PRSS33: variants seen among roughly 807,000 people sequenced by gnomAD.
The protein encoded by PRSS33 is serine protease 33, also known as protease, serine 33.
In PRSS33, 32 loss-of-function variants were observed where a neutral mutation model predicts 26.7. The observed-to-expected ratio is 1.20, with a 90% CI of 0.90 to 1.61. The LOEUF is 1.61. Among genes scored for constraint, PRSS33 ranks in the 40% most tolerant of loss-of-function variants. The probability of loss-of-function intolerance (pLI) is 0.00; values close to 1 mark genes in which losing one functional copy is unlikely to be tolerated. For missense variants in PRSS33, 450 were observed against 396.3 expected, an observed-to-expected ratio of 1.14 and a Z score of -1.15; for synonymous variants, 192 against 177.6, an observed-to-expected ratio of 1.08 and a Z score of -0.64.
At position 2,784,801 on chromosome 16, in the gene PRSS33, C is replaced by T; in HGVS notation, c.686G>A (p.Gly229Asp). 1 of 1,605,078 alleles carries T rather than the reference C, an allele frequency of 6.2e-7. No homozygotes were observed. The highest frequency in any genetic ancestry group is 8.5e-7 in the Non-Finnish European group (1 of 1,175,816). ...YPQGHKDACQ[G>D]DSGGPLTCLQ... The stretch of plus-strand genomic sequence containing the variant: ...GCAGGTCAGAGGTCCCCCAGAATCA[C>T]CCTGCAGGAGAAAGAGGAGCCTAAG... The change falls in exon 7 of 7, where the codon GGT becomes GAT. Residue 229 changes from glycine (G) to aspartate (D), a missense_variant and splice_region_variant. Transcript: ENST00000682474.
rs967934985 is a variant in PRSS33 at position 2,786,133 on chromosome 16, A to G, written c.47-12T>C. ...AGTCCCAGCAGCTCCTGGAGGAGGA[A>G]GCAGGGAAGGGACCAGATTATAGAT... On this transcript the variant is annotated splice_polypyrimidine_tract_variant and intron_variant, in intron 2 of 6. Coordinates refer to ENST00000682474, the MANE Select transcript of PRSS33 (RefSeq NM_152891.3). The G allele has an allele frequency of 6.2e-7, 1 of 1,611,746 alleles. No homozygotes were observed. Among genetic ancestry groups the G allele is most frequent in the South Asian group, 1.1e-5 (1 of 91,058 alleles).
Position 2,784,523 on chromosome 16 carries a change from A to G in PRSS33, c.*121T>C, listed in dbSNP as rs1220738427. 2 of 942,584 alleles carry G rather than the reference A, an allele frequency of 2.1e-6. No homozygotes were observed. Among genetic ancestry groups the G allele is most frequent in the African/African-American group, 3.4e-5 (2 of 59,300 alleles). The allele number at this position is 942,584 out of a possible 1,614,324, so 58.4% of individuals were successfully genotyped here. A position where few individuals can be genotyped will look rare whatever the true frequency, so the allele number is the denominator to read the frequency against. ...GTGGGTGGGGGGTGGGGTGGCCTTT[A>G]GCTTTTTTAGGCATCTTGGCCTCGA... On this transcript the variant is annotated 3_prime_UTR_variant, in exon 7 of 7. Transcript: ENST00000682474.
At chr16:2,787,388 C>T (rs1448479416) in intron 1 of PRSS33, among the ~76,000 whole-genome samples, 145 bp downstream of exon 1, 1 of 39,768 alleles carries the variant, frequency 2.5e-5, no homozygotes, top group East Asian at 5.7e-4. Context: ...CTATCCTCAC[C>T]CCCTTCCTCC....
Position 2,784,556 on chromosome 16 carries a change from G to T in PRSS33, c.*88C>A. On this transcript the variant is annotated 3_prime_UTR_variant, in exon 7 of 7. Coordinates refer to ENST00000682474, the MANE Select transcript of PRSS33 (RefSeq NM_152891.3). ...TAGGCATCTTGGCCTCGAGGCAGAA[G>T]GGATGTGGGGTATAGGCAGGTGCCT... 2 of 1,335,116 alleles carry T rather than the reference G, an allele frequency of 1.5e-6. No homozygotes were observed. Among genetic ancestry groups the T allele is most frequent in the Non-Finnish European group, 1.0e-6 (1 of 991,582 alleles). 82.7% of individuals were successfully genotyped at this position (1,335,116 alleles called of 1,614,324 possible).
At position 2,786,618 on chromosome 16, in the gene PRSS33, G is replaced by T; in HGVS notation, c.-57-14C>A. On this transcript the variant is annotated splice_polypyrimidine_tract_variant and intron_variant, in intron 1 of 6. Coordinates refer to ENST00000682474, the MANE Select transcript of PRSS33 (RefSeq NM_152891.3). Reference sequence around the variant, plus strand: ...TTGGACTCTGGTCTGGAGCCAGCAGGGAGAAGAGAGGAGAGTCCTGGCCCA... The same window carrying T: ...TTGGACTCTGGTCTGGAGCCAGCAGTGAGAAGAGAGGAGAGTCCTGGCCCA... 1 of 1,556,594 alleles carries T rather than the reference G, an allele frequency of 6.4e-7. No individual in the cohort carries two copies.
At position 2,785,430 on chromosome 16, in the gene PRSS33, GC is replaced by G; in HGVS notation, c.458del (p.Arg153ProfsTer31). 1 of 1,465,752 alleles carries G rather than the reference GC, an allele frequency of 6.8e-7. No homozygotes were observed. Among genetic ancestry groups the G allele is most frequent in the Non-Finnish European group, 8.9e-7 (1 of 1,119,940 alleles). 90.8% of individuals were successfully genotyped at this position (1,465,752 alleles called of 1,614,324 possible). On this transcript the variant is annotated frameshift_variant, in exon 5 of 7. Coordinates refer to ENST00000682474, the MANE Select transcript of PRSS33 (RefSeq NM_152891.3). LOFTEE classifies it high-confidence loss of function. ...QPVCLPVPGARPPPGTPCRVT... is the reference protein window; with the variant it reads ...QPVCLPVPGAXPPPGTPCRVT... The stretch of plus-strand genomic sequence containing the variant: ...CCCGGCATGGTGTGCCGGGCGGCGG[GC>G]GGGCGCCGGGCACGGGCAGGCAGAC...
rs916213722 is a variant in PRSS33 at position 2,785,471 on chromosome 16, C to A, written c.418G>T (p.Ala140Ser). Residue 140 changes from alanine (A) to serine (S), a missense_variant, in exon 5 of 7, where the codon GCT (alanine) becomes TCT (serine). Transcript: ENST00000682474. ...LQLRRPVPLSARVQPVCLPVP... is the reference protein window; with the variant it reads ...LQLRRPVPLSSRVQPVCLPVP... The stretch of plus-strand genomic sequence containing the variant: ...GGCAGGCAGACGGGTTGGACGCGAG[C>A]GCTCAGGGGCACCGGGCGACGCAGC... 9 of 1,514,596 alleles carry A rather than the reference C, an allele frequency of 5.9e-6. No individual in the cohort carries two copies. In the African/African-American group the frequency reaches 1.1e-4, roughly 19 times the overall value. 93.8% of individuals were successfully genotyped at this position (1,514,596 alleles called of 1,614,324 possible).
chr16:2,785,330 C>A (rs753094874), intron 5 of PRSS33, 45 bp downstream of exon 5: 5 of 1,456,996 alleles, frequency 3.4e-6, no homozygotes, highest in East Asian at 4.9e-5. Flanking sequence ...TGGAGGAGGA[C>A]GTGGGGGCTC....
chr16:2,785,247 A>G lies in PRSS33; in HGVS notation c.515-76T>C. The G allele has an allele frequency of 8.3e-6, 12 of 1,453,712 alleles. No individual in the cohort carries two copies. In the South Asian group the frequency reaches 1.3e-4, roughly 16 times the overall value. The allele number at this position is 1,453,712 out of a possible 1,614,324, so 90.1% of individuals were successfully genotyped here. A position where few individuals can be genotyped will look rare whatever the true frequency, so the allele number is the denominator to read the frequency against. ...TGGGAGAAGCTGAGCTCTGAGTGAG[A>G]GGAGGTTTTGTTCCCTAGAAGCCGC... On this transcript the variant is annotated intron_variant, in intron 5 of 6. Coordinates refer to ENST00000682474, the MANE Select transcript of PRSS33 (RefSeq NM_152891.3).
chr16:2,787,706 G>T (rs932593516), upstream of PRSS33, among the ~76,000 whole-genome samples: 1 of 151,942 alleles, frequency 6.6e-6, no homozygotes, highest in African/African-American at 2.4e-5. Context: ...AGAGGTGGCA[G>T]GAAAGGGTCA....
intron 5 of PRSS33, 35 bp from the exon 6 acceptor site, chr16:2,785,206 G>A (rs1596305682): frequency 4.0e-6 from 6 of 1,511,248 alleles, no homozygotes; most frequent in Non-Finnish European, 4.4e-6. Flanking sequence ...AGAGGAAGGC[G>A]TGGAGCGGGG....
chr16:2,785,245 AGAG>A, intron 5 of PRSS33, 74 bp from the exon 6 acceptor site: 1 of 1,454,190 alleles, frequency 6.9e-7, no homozygotes, highest in Non-Finnish European at 9.2e-7. Context: ...GCTCTGAGTG[AGAG>A]GAGGTTTTGT....
chr16:2,785,156 C>T lies in PRSS33; in HGVS notation c.530G>A (p.Trp177Ter), dbSNP rs1023005268. 6 of 1,540,066 alleles carry T rather than the reference C, an allele frequency of 3.9e-6. No individual in the cohort carries two copies. In the Admixed American group the frequency reaches 5.9e-5, roughly 15 times the overall value. ...CACCCTTACTCCTTGTAGCGGTCGC[C>T]ACTCTGGGAGGGGCACTGGGGGAAG... ...SLRPGVPLPE[W>*]RPLQGVRVPL... Residue 177 changes from tryptophan (W) to a stop codon, truncating the protein, a stop_gained, in exon 6 of 7, where the codon TGG becomes TAG. Coordinates refer to ENST00000682474, the MANE Select transcript of PRSS33 (RefSeq NM_152891.3). LOFTEE classifies it high-confidence loss of function.
intron 2 of PRSS33, 125 bp from the exon 3 acceptor site, chr16:2,786,246 G>T: frequency 2.0e-6 from 2 of 982,176 alleles, no homozygotes; most frequent in Non-Finnish European, 3.2e-6. Flanking sequence ...CCAGGCTTTC[G>T]TGCCGTCTGT....
Position 2,785,460 on chromosome 16 carries a change from T to C in PRSS33, c.429A>G (p.Gln143=). ...CGCCGGGCACGGGCAGGCAGACGGG[T>C]TGGACGCGAGCGCTCAGGGGCACCG... ...RRPVPLSARV[Q]PVCLPVPGAR... The change falls in exon 5 of 7, where the codon CAA becomes CAG. Residue 143 remains glutamine, a synonymous_variant. Coordinates refer to ENST00000682474, the MANE Select transcript of PRSS33 (RefSeq NM_152891.3). 1 of 1,514,554 alleles carries C rather than the reference T, an allele frequency of 6.6e-7. No individual in the cohort carries two copies. Among genetic ancestry groups the C allele is most frequent in the Middle Eastern group, 2.3e-4 (1 of 4,328 alleles). 93.8% of individuals were successfully genotyped at this position (1,514,554 alleles called of 1,614,324 possible). A position where few individuals can be genotyped will look rare whatever the true frequency, so the allele number is the denominator to read the frequency against.
intron 5 of PRSS33, 31 bp from the exon 6 acceptor site, chr16:2,785,202 A>G (rs766613362): frequency 1.3e-6 from 2 of 1,518,128 alleles, no homozygotes; most frequent in African/African-American, 1.4e-5. Flanking sequence ...TCTGAGAGGA[A>G]GGCGTGGAGC....
Position 2,785,924 on chromosome 16 carries a change from C to T in PRSS33, c.117G>A (p.Gly39=). The T allele has an allele frequency of 6.2e-7, 1 of 1,612,328 alleles. No individual in the cohort carries two copies. The highest frequency in any genetic ancestry group is 2.2e-5 in the East Asian group (1 of 44,854). The change falls in exon 4 of 7, where the codon GGG becomes GGA. Residue 39 remains glycine (G), a synonymous_variant. Transcript: ENST00000682474. ...GQPRMSSRIV[G]GRDGRDGEWP... is the part of the protein sequence containing the mutation. Reference sequence around the variant, plus strand: ...ACTCTCCGTCCCGGCCATCCCGGCCCCCAACGATCCGACTGGACATGCGGG... The same window carrying T: ...ACTCTCCGTCCCGGCCATCCCGGCCTCCAACGATCCGACTGGACATGCGGG...
At position 2,784,598 on chromosome 16, in the gene PRSS33, T is replaced by C. The variant is rs1166453009; in HGVS notation, c.*46A>G. On this transcript the variant is annotated 3_prime_UTR_variant, in exon 7 of 7. Coordinates refer to ENST00000682474, the MANE Select transcript of PRSS33 (RefSeq NM_152891.3). The stretch of plus-strand genomic sequence containing the variant: ...CAGGTGCCTGGATGAACCAGGAGGC[T>C]GAGGGACCCCAGCAGCTGGCTCCAG... 9 of 1,521,998 alleles carry C rather than the reference T, an allele frequency of 5.9e-6. No individual in the cohort carries two copies. The highest frequency in any genetic ancestry group is 2.5e-5 in the South Asian group (2 of 80,544). The allele number at this position is 1,521,998 out of a possible 1,614,324, so 94.3% of individuals were successfully genotyped here.
chr16:2,785,421 G>GGGC lies in PRSS33; in HGVS notation c.465_467dup (p.Pro156dup). The GGGC allele has an allele frequency of 6.9e-7, 1 of 1,454,090 alleles. No individual in the cohort carries two copies. The highest frequency in any genetic ancestry group is 9.0e-7 in the Non-Finnish European group (1 of 1,115,084). 90.1% of individuals were successfully genotyped at this position (1,454,090 alleles called of 1,614,324 possible). A position where few individuals can be genotyped will look rare whatever the true frequency, so the allele number is the denominator to read the frequency against. On this transcript the variant is annotated inframe_insertion, in exon 5 of 7. Coordinates refer to ENST00000682474, the MANE Select transcript of PRSS33 (RefSeq NM_152891.3). ...AGCCGGTGACCCGGCATGGTGTGCCGGGCGGCGGGCGGGCGCCGGGCACGG... is the reference window on the plus strand; with the variant it reads ...AGCCGGTGACCCGGCATGGTGTGCCGGGCGGCGGCGGGCGGGCGCCGGGCACGG...
Sources: gnomAD v4.1 joint callset for allele counts (sites outside exome capture counted in the v4.1 genomes callset) on GRCh38, gnomAD v4.1.1 for gene constraint, MANE v1.5 for transcripts, NCBI Gene and HGNC (gene_info 2026-07-23, HGNC 2026-07-21) for gene names.